Variants in ZDHHC15 observed in about 807,000 individuals in gnomAD.
ZDHHC15 encodes the protein palmitoyltransferase ZDHHC15.
In ZDHHC15, 19 loss-of-function variants were observed where a neutral mutation model predicts 31.7. The observed-to-expected ratio is 0.60, with a 90% CI of 0.42 to 0.88. ZDHHC15 has a LOEUF of 0.88. Ranked by LOEUF, ZDHHC15 falls within the 40% of genes least tolerant of loss-of-function variation. ZDHHC15 has a pLI of 0.00. For missense variants in ZDHHC15, 209 were observed against 251.2 expected, an observed-to-expected ratio of 0.83 and a Z score of 1.14; for synonymous variants, 103 against 90.0, an observed-to-expected ratio of 1.14 and a Z score of -0.82.
chrX:75,398,428 C>T (rs1213468518), intron 10 of ZDHHC15, among the ~76,000 whole-genome samples: 1 of 112,661 alleles, frequency 8.9e-6, no homozygotes. Context: ...CCAATCTCTC[C>T]AACTGACAGA....
intron 3 of ZDHHC15, among the ~76,000 whole-genome samples, chrX:75,464,476 A>C (rs2084371289): frequency 9.0e-6 from 1 of 111,435 alleles, no homozygotes; most frequent in African/African-American, 3.3e-5. Context: ...AAAAATAAAA[A>C]TAAAAACTGC....
chrX:75,493,392 A>G (rs1001170812), intron 2 of ZDHHC15, among the ~76,000 whole-genome samples: 11 of 111,937 alleles, frequency 9.8e-5, no homozygotes, highest in Non-Finnish European at 1.9e-4. Flanking sequence ...AAACTATTCC[A>G]ATCAATAGAA....
chrX:75,435,469 C>T (rs980289251), intron 4 of ZDHHC15, among the ~76,000 whole-genome samples: 2 of 112,089 alleles, frequency 1.8e-5, no homozygotes, highest in African/African-American at 3.2e-5. Flanking sequence ...TATAATTTAG[C>T]TGTGGGTTTG....
intron 5 of ZDHHC15, among the ~76,000 whole-genome samples, chrX:75,430,275 T>C (rs759758100): frequency 3.8e-4 from 42 of 111,806 alleles, no homozygotes; most frequent in African/African-American, 1.3e-3. Flanking sequence ...AGATGTCTCC[T>C]ATCATTTTAT....
rs1191435121 is a variant in ZDHHC15, at chrX:75,424,521, G to A, written c.736+131C>T. The A allele has an allele frequency of 6.1e-6, 4 of 656,543 alleles. No individual in the cohort carries two copies. In the South Asian group the frequency reaches 1.4e-4, roughly 23 times the overall value. 54.1% of individuals were successfully genotyped at this position (656,543 alleles called of 1,213,427 possible). A position where few individuals can be genotyped will look rare whatever the true frequency, so the allele number is the denominator to read the frequency against. ...ATTTCGGTAAAATGTATTTTCATCTGTCTCAGTCTGGGGGTAGAGGGATGT... is the reference window on the plus strand; with the variant it reads ...ATTTCGGTAAAATGTATTTTCATCTATCTCAGTCTGGGGGTAGAGGGATGT... On this transcript the variant is annotated intron_variant, in intron 8 of 11. Coordinates refer to ENST00000373367, the MANE Select transcript of ZDHHC15 (RefSeq NM_144969.3).
chrX:75,486,176 A>C (rs2084774996), intron 2 of ZDHHC15, among the ~76,000 whole-genome samples: 2 of 112,580 alleles, frequency 1.8e-5, no homozygotes, highest in Admixed American at 1.9e-4. Context: ...GGAAACCTGA[A>C]AATCCAGATC....
Position 75,433,052 on chromosome X carries a change from A to G in ZDHHC15, c.380-1532T>C, listed in dbSNP as rs749330671. On this transcript the variant is annotated intron_variant, in intron 4 of 11. Coordinates refer to ENST00000373367, the MANE Select transcript of ZDHHC15 (RefSeq NM_144969.3). ...ACTTAAAACTCTCAATGGATTTCCAACACCTTCAGAATAAAATCCAAACTC... is the reference window on the plus strand; with the variant it reads ...ACTTAAAACTCTCAATGGATTTCCAGCACCTTCAGAATAAAATCCAAACTC... 3.0e-4 allele frequency among the ~76,000 whole-genome samples: 33 copies of G among 111,675 alleles called. 1 individual carries two copies. Among genetic ancestry groups the G allele is most frequent in the Non-Finnish European group, 6.0e-4 (32 of 53,145 alleles).
chrX:75,458,919 C>A (rs6655573), intron 3 of ZDHHC15, among the ~76,000 whole-genome samples: 2,760 of 93,766 alleles, frequency 0.029, 110 homozygotes, highest in African/African-American at 0.11. Context: ...ACTGACTAGG[C>A]AAACAACTAG....
At chrX:75,385,744 T>G (rs1244206156) in intron 10 of ZDHHC15, among the ~76,000 whole-genome samples, 1 of 111,481 alleles carries the variant, frequency 9.0e-6, no homozygotes, top group Admixed American at 9.6e-5. Flanking sequence ...GCCACCAATC[T>G]AGATCCTATC....
intron 11 of ZDHHC15, among the ~76,000 whole-genome samples, chrX:75,375,361 T>G (rs769191243): frequency 8.9e-6 from 1 of 112,491 alleles, no homozygotes; most frequent in Admixed American, 9.4e-5. Flanking sequence ...TTAATTTCTA[T>G]TTTGTTGATT....
At chrX:75,494,107 A>G (rs976643672) in intron 2 of ZDHHC15, among the ~76,000 whole-genome samples, 2 of 111,549 alleles carry the variant, frequency 1.8e-5, no homozygotes, top group South Asian at 3.8e-4. Flanking sequence ...AAATCAATGT[A>G]CAAAAATCAC....
chrX:75,516,153 T>C (rs1397156559), intron 1 of ZDHHC15, among the ~76,000 whole-genome samples: 2 of 111,726 alleles, frequency 1.8e-5, no homozygotes, highest in South Asian at 7.5e-4. Flanking sequence ...AAAATGGCCA[T>C]ACTGCCCAAG....
intron 2 of ZDHHC15, among the ~76,000 whole-genome samples, chrX:75,502,822 T>C (rs778075599): frequency 1.8e-5 from 2 of 111,177 alleles, no homozygotes; most frequent in Non-Finnish European, 3.8e-5. Context: ...AAATCATCTA[T>C]GCAATATATT....
intron 4 of ZDHHC15, among the ~76,000 whole-genome samples, chrX:75,438,491 T>C (rs891195312): frequency 9.0e-6 from 1 of 111,495 alleles, no homozygotes; most frequent in Non-Finnish European, 1.9e-5. Context: ...CCTGCATATT[T>C]TTAGTGTCCA....
At position 75,488,982 on chromosome X, in the gene ZDHHC15, C is replaced by A. The variant is rs2084824398; in HGVS notation, c.164-9997G>T. Among the ~76,000 whole-genome samples, 3 of 111,856 alleles carry A rather than the reference C, an allele frequency of 2.7e-5. No individual in the cohort carries two copies. The South Asian group carries it at 1.1e-3, about 42-fold the overall frequency. On this transcript the variant is annotated intron_variant, in intron 2 of 11. Transcript: ENST00000373367. ...CGCCTGGTTCGGAGGATCCTACACC[C>A]ACAGAGCCTCCTTCATTGCTAGCAC...
At chrX:75,498,061 G>A (rs1190567764) in intron 2 of ZDHHC15, among the ~76,000 whole-genome samples, 1 of 109,799 alleles carries the variant, frequency 9.1e-6, no homozygotes, top group African/African-American at 3.3e-5. Flanking sequence ...AGCCTCCTGG[G>A]TAGCTGGGAT....
chrX:75,383,888 C>T (rs2083149794), intron 10 of ZDHHC15, among the ~76,000 whole-genome samples: 1 of 102,070 alleles, frequency 9.8e-6, no homozygotes, highest in African/African-American at 3.6e-5. Context: ...ACAGGCATCC[C>T]CCACCACACC....
At chrX:75,375,239 C>T (rs1466834920) in intron 11 of ZDHHC15, among the ~76,000 whole-genome samples, 1 of 111,515 alleles carries the variant, frequency 9.0e-6, no homozygotes, top group African/African-American at 3.3e-5. Context: ...ACAATAGGTA[C>T]TGTAATTTGT....
intron 10 of ZDHHC15, among the ~76,000 whole-genome samples, chrX:75,385,209 A>G (rs1277697538): frequency 1.8e-5 from 2 of 111,904 alleles, no homozygotes; most frequent in African/African-American, 6.5e-5. Flanking sequence ...TTGATGTGAA[A>G]GGCCTCTCAT....
Sources: allele counts gnomAD v4.1 joint callset (sites outside exome capture counted in the v4.1 genomes callset), GRCh38; gene constraint gnomAD v4.1.1; transcripts MANE v1.5; gene names NCBI Gene and HGNC (gene_info 2026-07-23, HGNC 2026-07-21).